Variants in FOXN3 observed in about 807,000 individuals in gnomAD.
FOXN3 encodes forkhead box protein N3.
FOXN3 carries 7 observed loss-of-function variants against 38.4 expected under a neutral mutation model. The observed-to-expected ratio is 0.18, with a 90% CI of 0.10 to 0.34. The LOEUF (loss-of-function observed/expected upper bound fraction) is 0.34. Ranked by LOEUF, FOXN3 falls within the 10% of genes least tolerant of loss-of-function variation. FOXN3 has a pLI of 1.00. For missense variants in FOXN3, 456 were observed against 613.4 expected, an observed-to-expected ratio of 0.74 and a Z score of 2.71; for synonymous variants, 230 against 242.2, an observed-to-expected ratio of 0.95 and a Z score of 0.47.
At chr14:89,462,061 C>T (rs1159171370) in intron 1 of FOXN3, among the ~76,000 whole-genome samples, 1 of 152,204 alleles carries the variant, frequency 6.6e-6, no homozygotes, top group Middle Eastern at 3.2e-3. Flanking sequence ...GCTCTGAATA[C>T]TTGCTGGCTG....
intron 1 of FOXN3, among the ~76,000 whole-genome samples, chr14:89,497,622 C>T (rs914272462): frequency 1.5e-4 from 22 of 150,730 alleles, no homozygotes; most frequent in Non-Finnish European, 3.0e-4. Context: ...AGGCTGGTCT[C>T]GAACTCCTGA....
At chr14:89,482,217 G>A (rs1015877961) in intron 1 of FOXN3, among the ~76,000 whole-genome samples, 1 of 152,166 alleles carries the variant, frequency 6.6e-6, no homozygotes, top group Admixed American at 6.5e-5. Context: ...TGAGCAGTGG[G>A]GGACAGTATC....
chr14:89,290,461 C>A, intron 3 of FOXN3: 1 of 423,772 alleles, frequency 2.4e-6, no homozygotes, highest in South Asian at 2.0e-5. Flanking sequence ...ACCAAACTGT[C>A]AAAGACCAGA....
intron 1 of FOXN3, among the ~76,000 whole-genome samples, chr14:89,452,593 C>T (rs912403006): frequency 1.3e-5 from 2 of 152,192 alleles, no homozygotes; most frequent in Non-Finnish European, 2.9e-5. Flanking sequence ...AATAGGCCAC[C>T]TTCAAGAAGT....
In FOXN3 at chr14:89,447,204, A is replaced by G. The variant is rs78658665; in HGVS notation, c.-14-34714T>C. ...AGAGCAAAACTCCGTCACAAAAAGG[A>G]AAAAAAAAAAAAACGAATTCCTAAA... On this transcript the variant is annotated intron_variant, in intron 1 of 6. Coordinates refer to the FOXN3 transcript ENST00000345097. Among the ~76,000 whole-genome samples the G allele has an allele frequency of 8.2e-5, 5 of 60,884 alleles. No individual in the cohort carries two copies. The East Asian group carries it at 1.0e-3, about 13-fold the overall frequency. 39.9% of individuals were successfully genotyped at this position (60,884 alleles called of 152,430 possible).
chr14:89,478,053 G>A (rs71426920), intron 1 of FOXN3, among the ~76,000 whole-genome samples: 1 of 152,172 alleles, frequency 6.6e-6, no homozygotes, highest in Non-Finnish European at 1.5e-5. Flanking sequence ...TGGCCTGGTG[G>A]AGGTGTCTGG....
At chr14:89,357,775 G>A (rs1889296180) in intron 2 of FOXN3, among the ~76,000 whole-genome samples, 2 of 152,116 alleles carry the variant, frequency 1.3e-5, no homozygotes. Flanking sequence ...CTGGGTTTGT[G>A]TACATATACT....
intron 2 of FOXN3, chr14:89,355,057 A>T (rs899540401): frequency 2.0e-5 from 3 of 151,832 alleles, no homozygotes; most frequent in Non-Finnish European, 4.4e-5. Flanking sequence ...AGTAAAAAAA[A>T]TTATGGATGA....
chr14:89,180,633 A>ACCC, intron 5 of FOXN3, 68 bp downstream of exon 5: 1 of 1,135,672 alleles, frequency 8.8e-7, no homozygotes, highest in African/African-American at 1.6e-5. Context: ...TCCAGAAGGG[A>ACCC]CCCCGTGGAC....
chr14:89,452,918 G>A (rs199796634), intron 1 of FOXN3, among the ~76,000 whole-genome samples: 1 of 152,118 alleles, frequency 6.6e-6, no homozygotes, highest in African/African-American at 2.4e-5. Flanking sequence ...GAACTTAAAG[G>A]CCGGGCACGG....
chr14:89,292,087 G>T (rs572979046), intron 3 of FOXN3, among the ~76,000 whole-genome samples: 1 of 152,216 alleles, frequency 6.6e-6, no homozygotes, highest in South Asian at 2.1e-4. Context: ...CTAAACGAAG[G>T]ACATGCCCTT....
chr14:89,352,610 T>C lies in FOXN3; in HGVS notation c.544-1802A>G, dbSNP rs114074554. ...TGCACCCAAGGCTCCAAACCAGCAA[T>C]AGCTACACTGAGGGCCATGGCTGAC... On this transcript the variant is annotated intron_variant, in intron 2 of 5. Transcript: ENST00000557258. Among the ~76,000 whole-genome samples the C allele has an allele frequency of 3.9e-3, 593 of 152,238 alleles. 6 individuals are homozygous for C. The highest frequency in any genetic ancestry group is 0.013 in the African/African-American group (543 of 41,544).
chr14:89,387,298 G>C (rs568378710), intron 2 of FOXN3, among the ~76,000 whole-genome samples: 8 of 152,054 alleles, frequency 5.3e-5, no homozygotes, highest in African/African-American at 1.7e-4. Flanking sequence ...AACCAATTAG[G>C]GGGGAGACAC....
chr14:89,163,106 G>A lies in FOXN3; in HGVS notation c.852-137C>T. On this transcript the variant is annotated intron_variant, in intron 5 of 5. Transcript: ENST00000557258. This position sits in a 1 kb window ranked among gnomAD's most constrained non-coding sequence, Gnocchi z 4.3. ...TGTTCAATGGAGCCACTCGCAAACT[G>A]TGGGGGCAACAGGTGGATCTGCTTT... The A allele has an allele frequency of 1.3e-6, 1 of 758,766 alleles. No individual in the cohort carries two copies. The highest frequency in any genetic ancestry group is 1.8e-5 in the African/African-American group (1 of 57,038). The allele number at this position is 758,766 out of a possible 1,614,324, so 47.0% of individuals were successfully genotyped here.
intron 4 of FOXN3, among the ~76,000 whole-genome samples, chr14:89,254,529 A>G (rs1885559310): frequency 6.6e-6 from 1 of 152,096 alleles, no homozygotes; most frequent in Admixed American, 6.5e-5. Flanking sequence ...ATGCCCGGGG[A>G]TGCTCCATCT....
chr14:89,353,219 T>C (rs1889050530), intron 2 of FOXN3, among the ~76,000 whole-genome samples: 1 of 152,092 alleles, frequency 6.6e-6, no homozygotes, highest in South Asian at 2.1e-4. Flanking sequence ...CACTTAGAGA[T>C]AGCTGGGAGG....
intron 4 of FOXN3, among the ~76,000 whole-genome samples, chr14:89,231,570 GA>G (rs1884808656): frequency 1.3e-5 from 2 of 152,148 alleles, no homozygotes. Context: ...TATGACAGAG[GA>G]GTGTGGTTCT....
intron 5 of FOXN3, among the ~76,000 whole-genome samples, chr14:89,170,387 G>C (rs1166984014): frequency 6.6e-6 from 1 of 152,094 alleles, no homozygotes; most frequent in Non-Finnish European, 1.5e-5. Context: ...TAATGGAAAA[G>C]ACATATTTTC....
chr14:89,429,386 G>A (rs981440644), intron 1 of FOXN3, among the ~76,000 whole-genome samples: 5 of 152,144 alleles, frequency 3.3e-5, no homozygotes, highest in African/African-American at 7.2e-5. Flanking sequence ...GCCTGGCTCC[G>A]CTGCCTCTCA....
Sources: allele counts gnomAD v4.1 joint callset (sites outside exome capture counted in the v4.1 genomes callset), GRCh38; gene constraint gnomAD v4.1.1; non-coding constraint Gnocchi (gnomAD v3.1); transcripts MANE v1.5; gene names NCBI Gene and HGNC (gene_info 2026-07-23, HGNC 2026-07-21).